HRH1: variants seen among roughly 807,000 people sequenced by gnomAD.
The protein encoded by HRH1 is histamine H1 receptor.
In HRH1, 6 loss-of-function variants were observed where a neutral mutation model predicts 10.3. That is an observed-to-expected ratio of 0.58 (90% CI 0.32 to 1.15). HRH1 has a LOEUF of 1.15. HRH1 is among the 50% of genes most tolerant of loss of function. HRH1 has a pLI of 0.05. For synonymous variants in HRH1, 242 were observed against 236.7 expected (o/e 1.02, Z -0.21); for missense variants, 514 against 615.3 (o/e 0.84, Z 1.74).
rs574204827 is a variant in HRH1, at chr3:11,165,166, T to C, written c.-36+10612T>C. Among the ~76,000 whole-genome samples the C allele has an allele frequency of 7.0e-4, 107 of 152,340 alleles. 1 individual carries two copies. Among genetic ancestry groups the C allele is most frequent in the African/African-American group, 2.5e-3 (106 of 41,580 alleles). ...TCACACAGCTCATAAGTAACAAGGT[T>C]GAAATGGAGATCCTTGACTCCTTCA... On this transcript the variant is annotated intron_variant, in intron 1 of 1. Transcript: ENST00000431010.
intron 1 of HRH1, among the ~76,000 whole-genome samples, chr3:11,147,855 T>C (rs550340952): frequency 6.6e-6 from 1 of 152,128 alleles, no homozygotes; most frequent in Non-Finnish European, 1.5e-5. Context: ...TCCAGCCCTG[T>C]TTCCACGCTC....
intron 1 of HRH1, among the ~76,000 whole-genome samples, chr3:11,203,303 A>G (rs192955040): frequency 3.3e-5 from 5 of 152,326 alleles, no homozygotes; most frequent in Middle Eastern, 6.8e-3. Flanking sequence ...TGGTAAGAGT[A>G]TATTTAGTTT....
intron 1 of HRH1, among the ~76,000 whole-genome samples, chr3:11,222,076 T>TA (rs1938727823): frequency 6.6e-6 from 1 of 152,206 alleles, no homozygotes; most frequent in Admixed American, 6.5e-5. Flanking sequence ...AGTTTCTCTT[T>TA]AAAAGTGTCC....
chr3:11,206,310 G>A (rs190621526), intron 1 of HRH1, among the ~76,000 whole-genome samples: 52 of 152,314 alleles, frequency 3.4e-4, no homozygotes, highest in African/African-American at 1.2e-3. Context: ...TAGAGACAGA[G>A]TTTCGCCATC....
chr3:11,217,001 C>T lies in HRH1; in HGVS notation c.-35-42002C>T, dbSNP rs550378252. On this transcript the variant is annotated intron_variant, in intron 1 of 1. Coordinates refer to ENST00000431010, the MANE Select transcript of HRH1 (RefSeq NM_001098212.2). ...GAGTTCAAAAGCAGCCTGGGCAACA[C>T]GGTGAAACTCCATCTCTACTAAAAA... Among the ~76,000 whole-genome samples, 131 of 151,666 alleles carry T rather than the reference C, an allele frequency of 8.6e-4. 2 individuals carry two copies. The highest frequency in any genetic ancestry group is 2.5e-3 in the East Asian group (13 of 5,138).
At chr3:11,148,180 CA>C (rs58792725) in intron 1 of HRH1, among the ~76,000 whole-genome samples, 203 of 85,974 alleles carry the variant, frequency 2.4e-3, no homozygotes, top group Admixed American at 3.8e-3. Context: ...CTCTGTCAAA[CA>C]AAAAAAAAAA....
At chr3:11,224,147 A>G (rs1329920827) in intron 1 of HRH1, among the ~76,000 whole-genome samples, 1 of 152,182 alleles carries the variant, frequency 6.6e-6, no homozygotes, top group Non-Finnish European at 1.5e-5. Flanking sequence ...AAGCCGTGCA[A>G]TGTGCATGCC....
At chr3:11,167,619 C>A (rs1447613331) in intron 1 of HRH1, among the ~76,000 whole-genome samples, 2 of 152,262 alleles carry the variant, frequency 1.3e-5, no homozygotes, top group Non-Finnish European at 2.9e-5. Context: ...TGATTTCTGC[C>A]CCTGAGCGCA....
intron 1 of HRH1, among the ~76,000 whole-genome samples, chr3:11,142,109 C>G (rs1409076533): frequency 6.6e-6 from 1 of 152,218 alleles, no homozygotes; most frequent in African/African-American, 2.4e-5. Context: ...GTCCCAAGTT[C>G]CCTGGCTTCT....
At chr3:11,217,391 T>C (rs980447792) in intron 1 of HRH1, among the ~76,000 whole-genome samples, 4 of 151,810 alleles carry the variant, frequency 2.6e-5, no homozygotes, top group African/African-American at 9.7e-5. Flanking sequence ...TATCCCGGCA[T>C]GATGGCAGGT....
intron 1 of HRH1, among the ~76,000 whole-genome samples, chr3:11,143,614 G>T (rs1270400752): frequency 6.6e-6 from 1 of 152,176 alleles, no homozygotes; most frequent in East Asian, 1.9e-4. Context: ...GGCATTCCAG[G>T]CCTGCCTGGT....
At position 11,234,612 on chromosome 3, in the gene HRH1, T is replaced by C. The variant is rs553648397; in HGVS notation, c.-35-24391T>C. ...CATCAGCCACCAATTCTGCATTGCT[T>C]GGAGTTTCATGGTCTTCTTTGGTTA... On this transcript the variant is annotated intron_variant, in intron 1 of 1. Transcript: ENST00000431010. The C allele has an allele frequency of 1.3e-5, 18 of 1,433,484 alleles. No individual in the cohort carries two copies. In the African/African-American group the frequency reaches 2.4e-4, roughly 19 times the overall value. The allele number at this position is 1,433,484 out of a possible 1,614,324, so 88.8% of individuals were successfully genotyped here. A position where few individuals can be genotyped will look rare whatever the true frequency, so the allele number is the denominator to read the frequency against.
At chr3:11,148,453 T>C (rs1043390272) in intron 1 of HRH1, among the ~76,000 whole-genome samples, 1 of 152,130 alleles carries the variant, frequency 6.6e-6, no homozygotes, top group Admixed American at 6.5e-5. Context: ...AAAAAAAGTA[T>C]GGAAATAGAC....
upstream of HRH1, among the ~76,000 whole-genome samples, chr3:11,151,509 T>A (rs113760989): frequency 1.2e-5 from 1 of 83,278 alleles, no homozygotes; most frequent in Non-Finnish European, 2.1e-5. Flanking sequence ...GGGGGGGCGG[T>A]GGTGGTGGGT....
intron 1 of HRH1, among the ~76,000 whole-genome samples, chr3:11,189,317 T>A (rs1937504204): frequency 6.6e-6 from 1 of 152,206 alleles, no homozygotes; most frequent in African/African-American, 2.4e-5. Flanking sequence ...TTAGATTGAA[T>A]CCAAGTATTC....
Position 11,165,400 on chromosome 3 carries a change from A to G in HRH1, c.-36+10846A>G, listed in dbSNP as rs140378438. Among the ~76,000 whole-genome samples, 4 of 152,352 alleles carry G rather than the reference A, an allele frequency of 2.6e-5. No individual in the cohort carries two copies. The East Asian group carries it at 7.7e-4, about 29-fold the overall frequency. On this transcript the variant is annotated intron_variant, in intron 1 of 1. Coordinates refer to ENST00000431010, the MANE Select transcript of HRH1 (RefSeq NM_001098212.2). ...CTGAGTTCCAGGCTGGATAACAGGA[A>G]TAAGTCCCAAAACTAATCCTTGAGT...
At chr3:11,239,631 C>A (rs1335930068) in intron 1 of HRH1, among the ~76,000 whole-genome samples, 1 of 152,126 alleles carries the variant, frequency 6.6e-6, no homozygotes, top group Non-Finnish European at 1.5e-5. Flanking sequence ...TTAGGACTAT[C>A]ATCAATTATG....
intron 1 of HRH1, among the ~76,000 whole-genome samples, chr3:11,161,359 G>T (rs935399136): frequency 6.6e-6 from 1 of 151,992 alleles, no homozygotes; most frequent in Non-Finnish European, 1.5e-5. Flanking sequence ...TTATTTACTT[G>T]CTAGCTTTTC....
intron 1 of HRH1, among the ~76,000 whole-genome samples, chr3:11,192,014 G>T (rs1369239282): frequency 1.3e-5 from 2 of 152,208 alleles, no homozygotes; most frequent in Non-Finnish European, 2.9e-5. Context: ...GATGGACATG[G>T]TTTGAGCCCC....
Sources: allele counts gnomAD v4.1 joint callset (sites outside exome capture counted in the v4.1 genomes callset), GRCh38; gene constraint gnomAD v4.1.1; transcripts MANE v1.5; gene names NCBI Gene and HGNC (gene_info 2026-07-23, HGNC 2026-07-21).